SH2D4B: variants seen among roughly 807,000 people sequenced by gnomAD.
SH2D4B encodes SH2 domain-containing protein 4B.
In SH2D4B, 45 loss-of-function variants were observed where a neutral mutation model predicts 61.5. The observed-to-expected ratio is 0.73, with a 90% CI of 0.58 to 0.94. The LOEUF (loss-of-function observed/expected upper bound fraction) is 0.94. SH2D4B is among the 40% of genes least tolerant of loss of function. The pLI is 0.00. For missense variants in SH2D4B, 572 were observed against 574.2 expected (o/e 1.00, Z 0.04); for synonymous variants, 224 against 220.4 (o/e 1.02, Z -0.14).
At chr10:80,568,479 C>T (rs150353097) in intron 1 of SH2D4B, among the ~76,000 whole-genome samples, 37 of 152,254 alleles carry the variant, frequency 2.4e-4, no homozygotes, top group African/African-American at 7.7e-4. Context: ...CTTGGGCAAA[C>T]GCAAGGGCAC....
chr10:80,571,645 C>T (rs1371714295), intron 3 of SH2D4B, 67 bp downstream of exon 3: 2 of 1,580,722 alleles, frequency 1.3e-6, no homozygotes, highest in South Asian at 1.1e-5. Context: ...TGGGGCTGAC[C>T]TCTGGTTTGG....
chr10:80,547,075 A>G (rs1841689703), intron 1 of SH2D4B, among the ~76,000 whole-genome samples: 2 of 152,308 alleles, frequency 1.3e-5, no homozygotes, highest in Middle Eastern at 6.8e-3. Context: ...TCCCAATAAC[A>G]ATAGTTGCTT....
At chr10:80,572,180 C>T (rs894812300) in intron 3 of SH2D4B, among the ~76,000 whole-genome samples, 3 of 152,096 alleles carry the variant, frequency 2.0e-5, no homozygotes, top group African/African-American at 2.4e-5. Flanking sequence ...GAATCAGAAC[C>T]GGGGCCTTTT....
In SH2D4B at chr10:80,540,503, A is replaced by C. The variant is rs1390559728; in HGVS notation, c.184+1988A>C. ...GTGGCAGGGCAAGCTCCCTGATTTC[A>C]TTGCAGATAAGGAAGGTGAGGCTCA... is the stretch of plus-strand genomic sequence containing the variant. On this transcript the variant is annotated intron_variant, in intron 1 of 7. Coordinates refer to ENST00000646907, the MANE Select transcript of SH2D4B (RefSeq NM_001388272.1). Among the ~76,000 whole-genome samples, 3 of 152,110 alleles carry C rather than the reference A, an allele frequency of 2.0e-5. No homozygotes were observed. The East Asian group carries it at 5.8e-4, about 29-fold the overall frequency.
rs567080308 is a variant in SH2D4B, at chr10:80,605,402, C to T, written c.860+1607C>T. On this transcript the variant is annotated intron_variant, in intron 5 of 7. Coordinates refer to ENST00000646907, the MANE Select transcript of SH2D4B (RefSeq NM_001388272.1). The stretch of plus-strand genomic sequence containing the variant: ...TCCTTACATATTAGGGAAGAGGATT[C>T]TTTTGTCTGTGATAAACATTTTTTC... Among the ~76,000 whole-genome samples, 8 of 151,948 alleles carry T rather than the reference C, an allele frequency of 5.3e-5. No individual in the cohort carries two copies. The South Asian group carries it at 1.7e-3, about 32-fold the overall frequency.
At chr10:80,585,943 C>A (rs1031521740) in intron 3 of SH2D4B, among the ~76,000 whole-genome samples, 2 of 152,060 alleles carry the variant, frequency 1.3e-5, no homozygotes, top group African/African-American at 4.8e-5. Context: ...TCTGGGTGGG[C>A]GTGGGCTAGG....
In SH2D4B at chr10:80,603,557, C is replaced by T. The variant is rs780040427; in HGVS notation, c.644-22C>T. The stretch of plus-strand genomic sequence containing the variant: ...CGCCTGGGCTGCGGATCTGGGCTAA[C>T]GTGCTGTCTTCCTCTTTCCAGTGCG... On this transcript the variant is annotated intron_variant, in intron 4 of 7. Coordinates refer to ENST00000646907, the MANE Select transcript of SH2D4B (RefSeq NM_001388272.1). 2.3e-5 allele frequency: 35 copies of T among 1,517,068 alleles called. No individual in the cohort carries two copies. The Admixed American group carries it at 3.4e-4, about 15-fold the overall frequency. The allele number at this position is 1,517,068 out of a possible 1,614,324, so 94.0% of individuals were successfully genotyped here.
chr10:80,588,865 C>T (rs1325861583), intron 4 of SH2D4B, 88 bp downstream of exon 4: 46 of 1,499,508 alleles, frequency 3.1e-5, no homozygotes, highest in Non-Finnish European at 4.1e-5. Context: ...TTCGTCATTT[C>T]CATTCGCTCA....
At chr10:80,592,814 A>G (rs1328717183) in intron 4 of SH2D4B, among the ~76,000 whole-genome samples, 2 of 151,094 alleles carry the variant, frequency 1.3e-5, no homozygotes, top group Non-Finnish European at 2.9e-5. Context: ...TATGGGCTCA[A>G]ATGTCTATCC....
intron 6 of SH2D4B, among the ~76,000 whole-genome samples, chr10:80,627,204 G>A (rs577480471): frequency 6.6e-6 from 1 of 152,286 alleles, no homozygotes; most frequent in Non-Finnish European, 1.5e-5. Flanking sequence ...ATTCTTAAGT[G>A]AGGAAGCCCT....
chr10:80,581,313 T>C (rs965502403), intron 3 of SH2D4B, among the ~76,000 whole-genome samples: 2 of 152,212 alleles, frequency 1.3e-5, no homozygotes. Context: ...TTATCCACCA[T>C]AGGCCAGTCA....
At chr10:80,641,652 T>A (rs896083550) in intron 7 of SH2D4B, among the ~76,000 whole-genome samples, 1 of 152,260 alleles carries the variant, frequency 6.6e-6, no homozygotes, top group African/African-American at 2.4e-5. Flanking sequence ...TTTTCCTGTA[T>A]AATAGAAGCT....
intron 3 of SH2D4B, among the ~76,000 whole-genome samples, chr10:80,573,973 A>G (rs1420457195): frequency 6.6e-6 from 1 of 152,162 alleles, no homozygotes; most frequent in Non-Finnish European, 1.5e-5. Flanking sequence ...CAGAAATGTG[A>G]TATGTTATTC....
At chr10:80,633,389 A>G (rs1842855611) in intron 6 of SH2D4B, among the ~76,000 whole-genome samples, 1 of 150,686 alleles carries the variant, frequency 6.6e-6, no homozygotes, top group South Asian at 2.1e-4. Context: ...GAAAGTCATA[A>G]CATACCTTCT....
intron 6 of SH2D4B, among the ~76,000 whole-genome samples, chr10:80,612,181 G>A (rs1001499760): frequency 1.8e-4 from 12 of 66,294 alleles, no homozygotes; most frequent in African/African-American, 9.5e-4. Flanking sequence ...CCCCACTCCT[G>A]CTTTTTTTTT....
chr10:80,621,954 C>T (rs1404733543), intron 6 of SH2D4B, among the ~76,000 whole-genome samples: 3 of 152,172 alleles, frequency 2.0e-5, no homozygotes, highest in Non-Finnish European at 4.4e-5. Flanking sequence ...ATCTCCTGAC[C>T]TCATGATCCT....
intron 3 of SH2D4B, 67 bp from the exon 4 acceptor site, chr10:80,588,563 T>C (rs934761919): frequency 1.8e-5 from 28 of 1,583,854 alleles, no homozygotes; most frequent in Non-Finnish European, 1.7e-6. Context: ...ATCCCAGAGA[T>C]ATTTCTTTCT....
intron 3 of SH2D4B, among the ~76,000 whole-genome samples, chr10:80,573,652 C>G (rs1842090285): frequency 6.6e-6 from 1 of 152,108 alleles, no homozygotes; most frequent in Non-Finnish European, 1.5e-5. Context: ...ACTTGTGGAC[C>G]TTTTTGTGGA....
intron 1 of SH2D4B, among the ~76,000 whole-genome samples, chr10:80,551,741 G>A (rs781387685): frequency 2.6e-5 from 4 of 152,190 alleles, no homozygotes; most frequent in Non-Finnish European, 5.9e-5. Flanking sequence ...GACACACAGC[G>A]GGACTGAGTG....
Sources: allele counts gnomAD v4.1 joint callset (sites outside exome capture counted in the v4.1 genomes callset), GRCh38; gene constraint gnomAD v4.1.1; transcripts MANE v1.5; gene names NCBI Gene and HGNC (gene_info 2026-07-23, HGNC 2026-07-21).